Variants in RBFOX1 observed in about 807,000 individuals in gnomAD.
RBFOX1 encodes the protein RNA binding fox-1 homolog 1.
RBFOX1 carries 8 observed loss-of-function variants against 57.7 expected under a neutral mutation model. That is an observed-to-expected ratio of 0.14 (90% CI 0.08 to 0.25). The LOEUF is 0.25. RBFOX1 is among the 10% of genes least tolerant of loss of function. The pLI is 1.00. For synonymous variants in RBFOX1, 326 were observed against 222.4 expected (o/e 1.47, Z -4.15); for missense variants, 611 against 548.5 (o/e 1.11, Z -1.14).
intron 3 of RBFOX1, among the ~76,000 whole-genome samples, chr16:6,911,113 A>G (rs374926706): frequency 2.0e-5 from 3 of 151,872 alleles, no homozygotes; most frequent in African/African-American, 7.3e-5. Flanking sequence ...AGGCAGGACA[A>G]TCGCTGGAAC....
chr16:7,000,061 C>T (rs894177652), intron 3 of RBFOX1, among the ~76,000 whole-genome samples: 1 of 127,046 alleles, frequency 7.9e-6, no homozygotes, highest in Non-Finnish European at 1.6e-5. Flanking sequence ...AACAGGGAGA[C>T]TCTGTTTCAA....
At chr16:6,562,476 G>A (rs1414316882) in intron 2 of RBFOX1, among the ~76,000 whole-genome samples, 4 of 152,214 alleles carry the variant, frequency 2.6e-5, no homozygotes, top group South Asian at 2.1e-4. Flanking sequence ...TGGCATACAG[G>A]AGGTATATGT....
intron 4 of RBFOX1, among the ~76,000 whole-genome samples, chr16:7,483,219 A>C (rs1400230990): frequency 6.6e-6 from 1 of 152,212 alleles, no homozygotes; most frequent in African/African-American, 2.4e-5. Flanking sequence ...AGACTCATCA[A>C]ACTATTTTGG....
chr16:7,437,915 A>G (rs2098735729), intron 4 of RBFOX1, among the ~76,000 whole-genome samples: 1 of 152,112 alleles, frequency 6.6e-6, no homozygotes, highest in South Asian at 2.1e-4. Context: ...CTTAAAAAAA[A>G]AAAAAGCACA....
intron 4 of RBFOX1, among the ~76,000 whole-genome samples, chr16:6,012,638 T>C (rs1247887201): frequency 6.6e-6 from 1 of 152,196 alleles, no homozygotes; most frequent in African/African-American, 2.4e-5. Context: ...AAAAAGGGGA[T>C]GTGTCATCTC....
intron 3 of RBFOX1, among the ~76,000 whole-genome samples, chr16:7,004,816 G>T (rs2093156047): frequency 6.6e-6 from 1 of 152,254 alleles, no homozygotes; most frequent in Middle Eastern, 3.4e-3. Context: ...AAGTGGCTGG[G>T]TCAGCTGTTG....
At chr16:5,482,758 C>A (rs1448544158) in intron 2 of RBFOX1, among the ~76,000 whole-genome samples, 1 of 152,192 alleles carries the variant, frequency 6.6e-6, no homozygotes, top group African/African-American at 2.4e-5. Flanking sequence ...AGGAGGGGTA[C>A]TGGTGGACCA....
At chr16:5,994,095 A>G (rs1173457745) in intron 4 of RBFOX1, among the ~76,000 whole-genome samples, 1 of 151,618 alleles carries the variant, frequency 6.6e-6, no homozygotes, top group Non-Finnish European at 1.5e-5. Context: ...GGCTCGTTCG[A>G]CTCTCTCTGT....
At chr16:5,885,999 G>T (rs1480571570) in intron 4 of RBFOX1, among the ~76,000 whole-genome samples, 1 of 152,136 alleles carries the variant, frequency 6.6e-6, no homozygotes, top group Non-Finnish European at 1.5e-5. Flanking sequence ...GAGTTGTCAT[G>T]AGATCTGGTT....
intron 2 of RBFOX1, among the ~76,000 whole-genome samples, chr16:6,400,772 G>A (rs1373598247): frequency 1.3e-5 from 2 of 152,138 alleles, no homozygotes; most frequent in Non-Finnish European, 2.9e-5. Context: ...GTGGGCGCTT[G>A]TAGTCCCAGC....
At chr16:7,060,402 C>A (rs1445911907) in intron 4 of RBFOX1, among the ~76,000 whole-genome samples, 1 of 152,074 alleles carries the variant, frequency 6.6e-6, no homozygotes, top group Non-Finnish European at 1.5e-5. Context: ...AGACTCACAT[C>A]AAAGATCAAT....
chr16:7,475,516 G>A (rs758114131), intron 4 of RBFOX1, among the ~76,000 whole-genome samples: 7 of 152,006 alleles, frequency 4.6e-5, no homozygotes, highest in East Asian at 3.9e-4. Context: ...GCGTTTCACC[G>A]TGTTAGGCAT....
chr16:7,246,254 C>G (rs1456867019), intron 4 of RBFOX1, among the ~76,000 whole-genome samples: 4 of 152,130 alleles, frequency 2.6e-5, no homozygotes, highest in African/African-American at 9.7e-5. Context: ...TCCACAGCCA[C>G]CACCCTAATC....
At chr16:6,417,108 T>C (rs527933631) in intron 2 of RBFOX1, among the ~76,000 whole-genome samples, 55 of 152,132 alleles carry the variant, frequency 3.6e-4, no homozygotes, top group African/African-American at 1.2e-3. Flanking sequence ...GCCTCCCGGG[T>C]TCAAGCGATT....
At position 6,256,203 on chromosome 16, in the gene RBFOX1, G is replaced by GTATA. The variant is rs1243022140; in HGVS notation, c.-126-60790_-126-60787dup. ...TATATATACGTATATATATGTATATGTATATGTGTATATATATGTATATAT... is the reference window on the plus strand; with the variant it reads ...TATATATACGTATATATATGTATATGTATATATATGTGTATATATATGTATATAT... On this transcript the variant is annotated intron_variant, in intron 1 of 15. Transcript: ENST00000550418. 8.7e-4 allele frequency among the ~76,000 whole-genome samples: 36 copies of GTATA among 41,188 alleles called. 2 individuals are homozygous for GTATA. The highest frequency in any genetic ancestry group is 1.3e-3 in the Admixed American group (3 of 2,342). 27.0% of individuals were successfully genotyped at this position (41,188 alleles called of 152,430 possible).
At chr16:6,376,601 T>C (rs2345050) in intron 2 of RBFOX1, among the ~76,000 whole-genome samples, 3,663 of 152,252 alleles carry the variant, frequency 0.024, 146 homozygotes, top group African/African-American at 0.083. Context: ...TCTATGTGTG[T>C]ATCTCTGTGT....
intron 3 of RBFOX1, among the ~76,000 whole-genome samples, chr16:6,787,869 G>A (rs1217985056): frequency 1.3e-5 from 2 of 152,160 alleles, no homozygotes; most frequent in Non-Finnish European, 2.9e-5. Context: ...AGCGTAACTC[G>A]ATACTATAGA....
intron 1 of RBFOX1, among the ~76,000 whole-genome samples, chr16:5,438,431 A>G (rs1212791089): frequency 1.3e-5 from 2 of 152,146 alleles, no homozygotes; most frequent in African/African-American, 4.8e-5. Context: ...GACAAGTGTA[A>G]TGTATGGCCT....
At chr16:7,661,395 T>A (rs1597507609) in intron 12 of RBFOX1, among the ~76,000 whole-genome samples, 1 of 152,146 alleles carries the variant, frequency 6.6e-6, no homozygotes. Context: ...GCGTGGGTCT[T>A]CCAGCCATAG....
Sources: gnomAD v4.1 joint callset for allele counts (sites outside exome capture counted in the v4.1 genomes callset) on GRCh38, gnomAD v4.1.1 for gene constraint, MANE v1.5 for transcripts, NCBI Gene and HGNC (gene_info 2026-07-23, HGNC 2026-07-21) for gene names.